Variants in SLC39A9 observed in about 807,000 individuals in gnomAD.
SLC39A9 encodes zinc transporter ZIP9.
Under a neutral mutation model 28.4 loss-of-function variants are expected in SLC39A9, and 14 were observed. The observed-to-expected ratio is 0.49, with a 90% CI of 0.33 to 0.77. SLC39A9 has a LOEUF of 0.77. SLC39A9 is among the 30% of genes least tolerant of loss of function. The pLI is 0.02. For synonymous variants in SLC39A9, 119 were observed against 149.6 expected (o/e 0.80, Z 1.49); for missense variants, 283 against 381.1 (o/e 0.74, Z 2.14).
Position 69,459,558 on chromosome 14 carries a change from T to G in SLC39A9, c.*965T>G, listed in dbSNP as rs1022379723. On this transcript the variant is annotated 3_prime_UTR_variant, in exon 7 of 7. Coordinates refer to ENST00000336643, the MANE Select transcript of SLC39A9 (RefSeq NM_018375.5). ...ATGTATGGTTGTCCTTTTTTTTTGTTTTTTTTTTTTTTAATTATTTCTCTT... is the reference window on the plus strand; with the variant it reads ...ATGTATGGTTGTCCTTTTTTTTTGTGTTTTTTTTTTTTAATTATTTCTCTT... 121 of 656,090 alleles carry G rather than the reference T, an allele frequency of 1.8e-4. No individual in the cohort carries two copies. Among genetic ancestry groups the G allele is most frequent in the African/African-American group, 1.5e-3 (37 of 24,752 alleles). 40.6% of individuals were successfully genotyped at this position (656,090 alleles called of 1,614,324 possible).
chr14:69,441,095 T>TA (rs1166371399), intron 2 of SLC39A9, among the ~76,000 whole-genome samples: 1 of 152,088 alleles, frequency 6.6e-6, no homozygotes, highest in African/African-American at 2.4e-5. Context: ...CTAGGCAACA[T>TA]AGGGAGACCA....
chr14:69,446,814 A>G (rs1885325454), intron 3 of SLC39A9, among the ~76,000 whole-genome samples: 1 of 150,074 alleles, frequency 6.7e-6, no homozygotes, highest in East Asian at 2.0e-4. Flanking sequence ...CAGAGGTTGC[A>G]GTGAGCCAAG....
intron 5 of SLC39A9, among the ~76,000 whole-genome samples, chr14:69,455,215 A>G (rs990465354): frequency 1.5e-4 from 23 of 152,162 alleles, no homozygotes; most frequent in Admixed American, 1.3e-3. Context: ...TATCCAAGAA[A>G]CACACAAATA....
intron 3 of SLC39A9, among the ~76,000 whole-genome samples, chr14:69,450,159 A>T (rs1885535942): frequency 6.6e-6 from 1 of 152,048 alleles, no homozygotes; most frequent in Non-Finnish European, 1.5e-5. Flanking sequence ...ACTGCGCTCC[A>T]GCCCGGGTGA....
intron 6 of SLC39A9, 136 bp downstream of exon 6, chr14:69,456,002 T>C: frequency 1.0e-6 from 1 of 992,568 alleles, no homozygotes; most frequent in South Asian, 1.8e-5. Context: ...CTATACAGGG[T>C]AAATATCTTA....
chr14:69,459,339 A>C lies in SLC39A9; in HGVS notation c.*746A>C. The C allele has an allele frequency of 1.0e-6, 1 of 985,446 alleles. No individual in the cohort carries two copies. The highest frequency in any genetic ancestry group is 1.2e-6 in the Non-Finnish European group (1 of 829,928). The allele number at this position is 985,446 out of a possible 1,614,324, so 61.0% of individuals were successfully genotyped here. On this transcript the variant is annotated 3_prime_UTR_variant, in exon 7 of 7. Transcript: ENST00000336643. The stretch of plus-strand genomic sequence containing the variant: ...CTGGTATTTTGTAGCATTCCTTGTC[A>C]AGTTCTCCTTTGCAGAATACCTGTC...
chr14:69,428,703 T>C (rs1018261255), intron 2 of SLC39A9: 2 of 152,628 alleles, frequency 1.3e-5, no homozygotes, highest in African/African-American at 4.8e-5. Context: ...CCAACGATCC[T>C]GAAGGCAAAC....
At chr14:69,407,540 G>A (rs539598053) in intron 1 of SLC39A9, among the ~76,000 whole-genome samples, 5 of 151,790 alleles carry the variant, frequency 3.3e-5, no homozygotes, top group Middle Eastern at 3.4e-3. Flanking sequence ...GTTTCTCCAT[G>A]TTGGTCTCAA....
chr14:69,446,946 A>G (rs1885349009), intron 3 of SLC39A9, among the ~76,000 whole-genome samples: 1 of 120,128 alleles, frequency 8.3e-6, no homozygotes, highest in Admixed American at 8.3e-5. Flanking sequence ...ATATATATAT[A>G]TAGAGAGAGA....
chr14:69,453,728 A>G (rs1885726938), intron 4 of SLC39A9, among the ~76,000 whole-genome samples: 1 of 152,208 alleles, frequency 6.6e-6, no homozygotes, highest in South Asian at 2.1e-4. Flanking sequence ...GGTGATGGCA[A>G]TAAAAAATGG....
At chr14:69,403,549 G>T (rs1263181232) in intron 1 of SLC39A9, among the ~76,000 whole-genome samples, 1 of 151,918 alleles carries the variant, frequency 6.6e-6, no homozygotes, top group South Asian at 2.1e-4. Context: ...TTATAAAAAT[G>T]AAATAGTAGG....
chr14:69,404,145 G>T (rs1424380146), intron 1 of SLC39A9, among the ~76,000 whole-genome samples: 1 of 152,206 alleles, frequency 6.6e-6, no homozygotes, highest in African/African-American at 2.4e-5. Context: ...AGGATCACTT[G>T]AGCCCAGGAG....
At chr14:69,437,083 G>A (rs1326990803) in intron 2 of SLC39A9, among the ~76,000 whole-genome samples, 1 of 152,152 alleles carries the variant, frequency 6.6e-6, no homozygotes, top group Non-Finnish European at 1.5e-5. Flanking sequence ...TAGCCAGGAT[G>A]GTCTTGATCT....
chr14:69,445,657 A>G (rs911000418), intron 3 of SLC39A9, among the ~76,000 whole-genome samples: 7 of 152,188 alleles, frequency 4.6e-5, no homozygotes, highest in African/African-American at 1.7e-4. Context: ...TACCTTTACA[A>G]AAAAGAAACA....
chr14:69,417,612 A>C (rs1594912199), intron 1 of SLC39A9, among the ~76,000 whole-genome samples: 1 of 152,100 alleles, frequency 6.6e-6, no homozygotes, highest in South Asian at 2.1e-4. Context: ...TGAGCATGGG[A>C]TGTTCTTCCA....
At chr14:69,415,279 G>T (rs1883506542) in intron 1 of SLC39A9, among the ~76,000 whole-genome samples, 1 of 152,164 alleles carries the variant, frequency 6.6e-6, no homozygotes, top group East Asian at 1.9e-4. Flanking sequence ...TCTATATCTT[G>T]TAATTATTTA....
At chr14:69,457,964 A>C (rs1885944068) in intron 6 of SLC39A9, among the ~76,000 whole-genome samples, 1 of 152,220 alleles carries the variant, frequency 6.6e-6, no homozygotes, top group African/African-American at 2.4e-5. Context: ...TAGTTTAATA[A>C]TAGTGTGTGG....
At chr14:69,399,862 C>G (rs1353228384) in intron 1 of SLC39A9, among the ~76,000 whole-genome samples, 1 of 152,150 alleles carries the variant, frequency 6.6e-6, no homozygotes, top group South Asian at 2.1e-4. Flanking sequence ...CGCCTGTAAT[C>G]TCAGCACTTT....
intron 3 of SLC39A9, 78 bp downstream of exon 3, chr14:69,442,344 C>T (rs1185868820): frequency 1.4e-6 from 2 of 1,380,166 alleles, no homozygotes; most frequent in South Asian, 2.5e-5. Flanking sequence ...ATATTTCAGT[C>T]TGTATCAGTG....
Sources: allele counts gnomAD v4.1 joint callset (sites outside exome capture counted in the v4.1 genomes callset), GRCh38; gene constraint gnomAD v4.1.1; transcripts MANE v1.5; gene names NCBI Gene and HGNC (gene_info 2026-07-23, HGNC 2026-07-21).